The following GADL1 variants were observed in gnomAD, a reference collection of about 807,000 sequenced individuals.
GADL1 encodes acidic amino acid decarboxylase GADL1.
A neutral mutation model predicts 69.5 loss-of-function variants in GADL1; 71 were observed. The observed-to-expected ratio is 1.02, with a 90% CI of 0.84 to 1.25. The LOEUF is 1.25. Ranked by LOEUF, GADL1 falls within the 50% of genes most tolerant of loss-of-function variation. GADL1 has a pLI of 0.00. For missense variants in GADL1, 737 were observed against 631.8 expected (o/e 1.17, Z -1.79); for synonymous variants, 254 against 214.4 (o/e 1.18, Z -1.62).
intron 13 of GADL1, 109 bp downstream of exon 13, chr3:30,786,241 CTTGTT>C: frequency 1.4e-6 from 1 of 710,028 alleles, no homozygotes; most frequent in Non-Finnish European, 2.5e-6. Context: ...AAGCTAATGA[CTTGTT>C]TTTAACTCTG....
At chr3:30,887,798 A>G (rs974286102) in intron 1 of GADL1, among the ~76,000 whole-genome samples, 1 of 152,214 alleles carries the variant, frequency 6.6e-6, no homozygotes, top group East Asian at 1.9e-4. Context: ...CATTAAAAAG[A>G]CATATCATAG....
intron 5 of GADL1, among the ~76,000 whole-genome samples, chr3:30,850,616 A>T (rs1016606622): frequency 4.6e-5 from 7 of 152,192 alleles, no homozygotes. Flanking sequence ...TATAAATCCT[A>T]AACTGTAGGC....
intron 13 of GADL1, among the ~76,000 whole-genome samples, chr3:30,783,478 A>G (rs1696716144): frequency 1.3e-5 from 2 of 151,598 alleles, no homozygotes; most frequent in Non-Finnish European, 2.9e-5. Context: ...ATGTTCACTT[A>G]CAATTTCCAA....
In GADL1 at chr3:30,839,046, T is replaced by C. The variant is rs1697920372; in HGVS notation, c.854A>G (p.Asp285Gly). The C allele has an allele frequency of 2.5e-6, 4 of 1,607,284 alleles. No homozygotes were observed. The highest frequency in any genetic ancestry group is 1.3e-5 in the African/African-American group (1 of 74,518). ...CCTCTCGCAGATGTCTGCTATTTCA[T>C]CCAGAGGGTCAAAAGCTCCCAACAC... ...TTVLGAFDPL[D>G]EIADICERHS... Residue 285 changes from aspartate to glycine, a missense_variant, in exon 9 of 15, where the codon GAT becomes GGT. Coordinates refer to ENST00000282538, the MANE Select transcript of GADL1 (RefSeq NM_207359.3).
At chr3:30,759,640 C>A (rs76151909) in intron 14 of GADL1, among the ~76,000 whole-genome samples, 3,034 of 9,862 alleles carry the variant, frequency 0.31, 100 homozygotes, top group African/African-American at 0.49. Flanking sequence ...ATGCCTAAAC[C>A]TGTTTTTTAA....
At position 30,822,115 on chromosome 3, in the gene GADL1, A is replaced by G. The variant is rs1007840978; in HGVS notation, c.1050+11738T>C. Among the ~76,000 whole-genome samples, 10 of 152,218 alleles carry G rather than the reference A, an allele frequency of 6.6e-5. No homozygotes were observed. The East Asian group carries it at 1.2e-3, about 18-fold the overall frequency. ...TATCACTTGGAAACTTTCTCTATAG[A>G]TGAATAGTTAACATGTGTCACAAAA... On this transcript the variant is annotated intron_variant, in intron 11 of 14. Transcript: ENST00000282538.
chr3:30,761,670 AAAGG>A lies in GADL1; in HGVS notation c.1392+16505_1392+16508del, dbSNP rs575800694. On this transcript the variant is annotated intron_variant, in intron 14 of 14. Transcript: ENST00000282538. ...CATCAGTCTGTAGTAACTTTTTAAAAAAGGAATGAGATTTTTTTAGACATATCCA... is the reference window on the plus strand; with the variant it reads ...CATCAGTCTGTAGTAACTTTTTAAAAAATGAGATTTTTTTAGACATATCCA... Among the ~76,000 whole-genome samples, 678 of 152,032 alleles carry A rather than the reference AAAGG, an allele frequency of 4.5e-3. 1 individual carries two copies. Among genetic ancestry groups the A allele is most frequent in the African/African-American group, 5.4e-3 (224 of 41,446 alleles).
intron 6 of GADL1, among the ~76,000 whole-genome samples, chr3:30,848,740 C>T (rs1258503825): frequency 6.6e-6 from 1 of 152,182 alleles, no homozygotes; most frequent in Non-Finnish European, 1.5e-5. Flanking sequence ...GGAACATTCT[C>T]CTAGTAACAA....
chr3:30,850,986 A>C (rs1470513075), intron 4 of GADL1, 45 bp from the exon 5 acceptor site: 1 of 1,164,576 alleles, frequency 8.6e-7, no homozygotes, highest in Non-Finnish European at 1.2e-6. Context: ...CTAGAGTCAA[A>C]ACATTCCTTT....
chr3:30,777,913 C>T (rs1175708725), intron 14 of GADL1, among the ~76,000 whole-genome samples: 1 of 152,176 alleles, frequency 6.6e-6, no homozygotes, highest in African/African-American at 2.4e-5. Flanking sequence ...GTCCCATGAC[C>T]AGATGTCACT....
intron 13 of GADL1, among the ~76,000 whole-genome samples, chr3:30,781,408 TAGATC>T (rs1696662513): frequency 6.6e-6 from 1 of 152,218 alleles, no homozygotes; most frequent in Non-Finnish European, 1.5e-5. Context: ...ACAATGTCAT[TAGATC>T]AGAATAATAG....
At chr3:30,856,238 A>G (rs1698228436) in intron 3 of GADL1, among the ~76,000 whole-genome samples, 1 of 152,090 alleles carries the variant, frequency 6.6e-6, no homozygotes, top group Non-Finnish European at 1.5e-5. Flanking sequence ...AGAATTTACA[A>G]AGTAATGCCT....
intron 14 of GADL1, among the ~76,000 whole-genome samples, chr3:30,737,749 T>C (rs1340137048): frequency 1.3e-5 from 2 of 152,152 alleles, no homozygotes; most frequent in Non-Finnish European, 1.5e-5. Flanking sequence ...GGACATACCT[T>C]TTTCAAATAT....
At chr3:30,857,622 A>T (rs182624853) in intron 2 of GADL1, among the ~76,000 whole-genome samples, 1 of 152,124 alleles carries the variant, frequency 6.6e-6, no homozygotes, top group African/African-American at 2.4e-5. Context: ...GCAGTCTGCT[A>T]TCGACCTAGC....
chr3:30,783,442 ACTC>A lies in GADL1; in HGVS notation c.1302+2910_1302+2912del, dbSNP rs752043003. Among the ~76,000 whole-genome samples the A allele has an allele frequency of 6.4e-4, 91 of 141,804 alleles. 2 individuals are homozygous for A. Among genetic ancestry groups the A allele is most frequent in the Non-Finnish European group, 1.2e-3 (73 of 61,650 alleles). 93.0% of individuals were successfully genotyped at this position (141,804 alleles called of 152,430 possible). A position where few individuals can be genotyped will look rare whatever the true frequency, so the allele number is the denominator to read the frequency against. ...ATTTTTATTCTTTCCAGGAAAAAAT[ACTC>A]AAGTACTGGGTATTGTCTTGTTATG... On this transcript the variant is annotated intron_variant, in intron 13 of 14. Transcript: ENST00000282538.
intron 14 of GADL1, among the ~76,000 whole-genome samples, chr3:30,768,747 T>C (rs1696347898): frequency 6.6e-6 from 1 of 152,092 alleles, no homozygotes; most frequent in Non-Finnish European, 1.5e-5. Flanking sequence ...AACAATTTGA[T>C]CTCTGAGAAT....
chr3:30,888,266 A>G (rs1030729298), intron 1 of GADL1, among the ~76,000 whole-genome samples: 1 of 152,198 alleles, frequency 6.6e-6, no homozygotes, highest in Non-Finnish European at 1.5e-5. Context: ...GGAATGGGGC[A>G]CATAGAAGAG....
intron 14 of GADL1, among the ~76,000 whole-genome samples, chr3:30,766,837 T>C (rs976996982): frequency 8.1e-6 from 1 of 122,926 alleles, no homozygotes; most frequent in African/African-American, 3.1e-5. Flanking sequence ...TAGACTTTCC[T>C]ATGGGACAAG....
rs558126002 is a variant in GADL1, at chr3:30,842,822, TAAAAAAAAA to T, written c.786+1379_786+1387del. Reference sequence around the variant, plus strand: ...AAAGTTCACTTGTCATTGGAATGTTTAAAAAAAAAAAAAAAAAAAAAGTAGGACACACAC... The same window carrying T: ...AAAGTTCACTTGTCATTGGAATGTTTAAAAAAAAAAAAGTAGGACACACAC... On this transcript the variant is annotated intron_variant, in intron 8 of 14. Transcript: ENST00000282538. 1.5e-4 allele frequency among the ~76,000 whole-genome samples: 16 copies of T among 103,492 alleles called. No individual in the cohort carries two copies. The East Asian group carries it at 4.5e-3, about 29-fold the overall frequency. The allele number at this position is 103,492 out of a possible 152,430, so 67.9% of individuals were successfully genotyped here. A position where few individuals can be genotyped will look rare whatever the true frequency, so the allele number is the denominator to read the frequency against.
Sources: gnomAD v4.1 joint callset for allele counts (sites outside exome capture counted in the v4.1 genomes callset) on GRCh38, gnomAD v4.1.1 for gene constraint, MANE v1.5 for transcripts, NCBI Gene and HGNC (gene_info 2026-07-23, HGNC 2026-07-21) for gene names.